SLCO3A1: variants seen among roughly 807,000 people sequenced by gnomAD.
SLCO3A1 encodes PGE1 transporter.
SLCO3A1 carries 27 observed loss-of-function variants against 63.1 expected under a neutral mutation model. That is an observed-to-expected ratio of 0.43 (90% CI 0.32 to 0.59). SLCO3A1 has a LOEUF of 0.59. Among genes scored for constraint, SLCO3A1 ranks in the 20% least tolerant of loss-of-function variants. SLCO3A1 has a pLI of 0.09. For missense variants in SLCO3A1, 773 were observed against 945.8 expected, an observed-to-expected ratio of 0.82 and a Z score of 2.40; for synonymous variants, 473 against 409.9, an observed-to-expected ratio of 1.15 and a Z score of -1.86.
At chr15:92,070,291 TG>T (rs1460675799) in intron 2 of SLCO3A1, among the ~76,000 whole-genome samples, 1 of 152,238 alleles carries the variant, frequency 6.6e-6, no homozygotes, top group Non-Finnish European at 1.5e-5. Flanking sequence ...TGCTAAATGT[TG>T]GGGACAGGAT....
At chr15:91,871,770 T>TC (rs1277603191) in intron 1 of SLCO3A1, among the ~76,000 whole-genome samples, 2 of 146,788 alleles carry the variant, frequency 1.4e-5, no homozygotes, top group Non-Finnish European at 3.0e-5. Context: ...TTTTGGTTTT[T>TC]TTTTTTTTTT....
intron 1 of SLCO3A1, chr15:91,908,544 C>G (rs765708076): frequency 8.6e-5 from 13 of 151,986 alleles, no homozygotes; most frequent in Admixed American, 2.0e-4. Flanking sequence ...TTTTGTGTGC[C>G]ATTTCCCTAG....
At chr15:91,914,538 C>T (rs1286353768) in intron 1 of SLCO3A1, among the ~76,000 whole-genome samples, 3 of 150,824 alleles carry the variant, frequency 2.0e-5, no homozygotes, top group Admixed American at 6.6e-5. Flanking sequence ...ACAATTTGTC[C>T]TCACCCCACC....
chr15:92,107,611 A>G (rs1411926383), intron 4 of SLCO3A1, among the ~76,000 whole-genome samples: 4 of 152,152 alleles, frequency 2.6e-5, no homozygotes, highest in African/African-American at 7.2e-5. Context: ...CTAAAACCCC[A>G]TGTTGCAATT....
chr15:92,048,679 A>G (rs1215353816), intron 2 of SLCO3A1, among the ~76,000 whole-genome samples: 2 of 152,154 alleles, frequency 1.3e-5, no homozygotes, highest in Non-Finnish European at 2.9e-5. Context: ...TGTGCGGATC[A>G]CCAGAGGTCA....
At chr15:92,124,273 A>C (rs1170520730) in intron 5 of SLCO3A1, among the ~76,000 whole-genome samples, 2 of 152,190 alleles carry the variant, frequency 1.3e-5, no homozygotes, top group Non-Finnish European at 2.9e-5. Flanking sequence ...ATGAGAATGG[A>C]ATTTCAGGGA....
intron 1 of SLCO3A1, among the ~76,000 whole-genome samples, chr15:91,880,172 T>C (rs1897532970): frequency 6.7e-6 from 1 of 148,402 alleles, no homozygotes; most frequent in African/African-American, 2.5e-5. Flanking sequence ...CATCCATCCA[T>C]CTATCTATCT....
chr15:91,857,066 G>C (rs1004861449), intron 1 of SLCO3A1, among the ~76,000 whole-genome samples: 2 of 149,562 alleles, frequency 1.3e-5, no homozygotes, highest in Non-Finnish European at 3.0e-5. Flanking sequence ...GTGTGTGTGT[G>C]TGTGAGAGAG....
At chr15:92,017,268 G>C (rs1205245515) in intron 2 of SLCO3A1, among the ~76,000 whole-genome samples, 1 of 150,156 alleles carries the variant, frequency 6.7e-6, no homozygotes, top group Middle Eastern at 3.4e-3. Flanking sequence ...TTTCCATTGA[G>C]TTGGAGGAGC....
At chr15:91,907,049 A>G (rs1411049906) in intron 1 of SLCO3A1, among the ~76,000 whole-genome samples, 2 of 152,178 alleles carry the variant, frequency 1.3e-5, no homozygotes, top group African/African-American at 4.8e-5. Context: ...CTTTAGGGCC[A>G]TTTAGAGGAA....
At chr15:91,902,188 T>A (rs4257185) in intron 1 of SLCO3A1, among the ~76,000 whole-genome samples, 85,566 of 151,868 alleles carry the variant, frequency 0.56, 26,199 homozygotes, top group East Asian at 0.84. Context: ...AAGAAAAATA[T>A]TTTCTGTATC....
In SLCO3A1 at chr15:92,120,445, T is replaced by C. The variant is rs1457916023; in HGVS notation, c.1010-20T>C. On this transcript the variant is annotated intron_variant, in intron 4 of 9. Transcript: ENST00000318445. ...GGGTGTGACCTTGACCCTGACCATC[T>C]GCCTTCTGTCTCCCTGCAGTGATCC... 6 of 1,612,400 alleles carry C rather than the reference T, an allele frequency of 3.7e-6. No homozygotes were observed. The highest frequency in any genetic ancestry group is 1.3e-5 in the African/African-American group (1 of 75,036).
intron 6 of SLCO3A1, among the ~76,000 whole-genome samples, chr15:92,126,625 A>G (rs2047927426): frequency 1.3e-5 from 2 of 152,238 alleles, no homozygotes; most frequent in Non-Finnish European, 2.9e-5. Context: ...AATTCCTTAA[A>G]CTATCAGAAG....
chr15:92,000,487 A>G (rs1476756085), intron 2 of SLCO3A1, among the ~76,000 whole-genome samples: 1 of 151,908 alleles, frequency 6.6e-6, no homozygotes. Flanking sequence ...GGAACAATAT[A>G]TCTATAGGTG....
rs1900722304 is a variant in SLCO3A1, at chr15:91,968,044, C to G, written c.646+51586C>G. Among the ~76,000 whole-genome samples, 1 of 152,132 alleles carries G rather than the reference C, an allele frequency of 6.6e-6. No homozygotes were observed. Among genetic ancestry groups the G allele is most frequent in the African/African-American group, 2.4e-5 (1 of 41,438 alleles). ...GCCTTACTTGTTCAGATGCTTCCAT[C>G]CTGAACATTTTCTAGAGTCCCCTGC... On this transcript the variant is annotated intron_variant, in intron 2 of 9. Coordinates refer to ENST00000318445, the MANE Select transcript of SLCO3A1 (RefSeq NM_013272.4). The surrounding 1 kb of genome is among the most constrained non-coding windows in gnomAD (Gnocchi z 4.2).
At chr15:92,009,697 G>C (rs2046348726) in intron 2 of SLCO3A1, among the ~76,000 whole-genome samples, 1 of 152,160 alleles carries the variant, frequency 6.6e-6, no homozygotes, top group African/African-American at 2.4e-5. Context: ...TAAATGGGAT[G>C]GTGCATGGAC....
chr15:92,083,874 T>C (rs2047375629), intron 2 of SLCO3A1, among the ~76,000 whole-genome samples: 1 of 152,154 alleles, frequency 6.6e-6, no homozygotes, highest in Non-Finnish European at 1.5e-5. Flanking sequence ...GCGAGGTGGG[T>C]ACTGTTAACC....
chr15:91,887,268 C>A (rs1287386578), intron 1 of SLCO3A1, among the ~76,000 whole-genome samples: 1 of 152,198 alleles, frequency 6.6e-6, no homozygotes, highest in East Asian at 1.9e-4. Context: ...CTTCCCCCTT[C>A]CTCGGCCATT....
intron 2 of SLCO3A1, among the ~76,000 whole-genome samples, chr15:91,979,731 C>T (rs1339452772): frequency 1.3e-5 from 2 of 152,196 alleles, no homozygotes; most frequent in Non-Finnish European, 2.9e-5. Context: ...TATCTATGTC[C>T]TAAGTACAAC....
Sources: allele counts gnomAD v4.1 joint callset (sites outside exome capture counted in the v4.1 genomes callset), GRCh38; gene constraint gnomAD v4.1.1; non-coding constraint Gnocchi (gnomAD v3.1); transcripts MANE v1.5; gene names NCBI Gene and HGNC (gene_info 2026-07-23, HGNC 2026-07-21).